The following ASIC2 variants were observed in gnomAD, a reference collection of about 807,000 sequenced individuals.
ASIC2 encodes the protein acid-sensing ion channel 2.
In ASIC2, 25 loss-of-function variants were observed where a neutral mutation model predicts 57.3. That is an observed-to-expected ratio of 0.44 (90% CI 0.32 to 0.61). The LOEUF is 0.61. Among genes scored for constraint, ASIC2 ranks in the 20% least tolerant of loss-of-function variants. The pLI is 0.06. For missense variants in ASIC2, 641 were observed against 738.1 expected (o/e 0.87, Z 1.52); for synonymous variants, 319 against 307.5 (o/e 1.04, Z -0.39).
At position 33,178,210 on chromosome 17, in the gene ASIC2, C is replaced by T. The variant is rs571780474; in HGVS notation, c.709-66143G>A. On this transcript the variant is annotated intron_variant, in intron 1 of 9. Coordinates refer to ENST00000225823, the MANE Select transcript of ASIC2 (RefSeq NM_183377.2). The stretch of plus-strand genomic sequence containing the variant: ...CATATGTTCATTAGCTTGATTTAGC[C>T]ACTCCATGATGTGTATATAATTCAA... Among the ~76,000 whole-genome samples, 23 of 152,208 alleles carry T rather than the reference C, an allele frequency of 1.5e-4. No individual in the cohort carries two copies. The South Asian group carries it at 4.8e-3, about 32-fold the overall frequency.
intron 1 of ASIC2, among the ~76,000 whole-genome samples, chr17:34,065,403 C>G (rs1220132142): frequency 6.6e-6 from 1 of 152,086 alleles, no homozygotes; most frequent in Non-Finnish European, 1.5e-5. Context: ...AAATATGGTG[C>G]AGTGTATACT....
intron 1 of ASIC2, among the ~76,000 whole-genome samples, chr17:33,795,597 A>G (rs11080236): frequency 0.56 from 84,884 of 152,080 alleles, 24,711 homozygotes; most frequent in Non-Finnish European, 0.65. Flanking sequence ...CTGAGCCCAT[A>G]TCCACTCAGA....
intron 1 of ASIC2, among the ~76,000 whole-genome samples, chr17:33,258,655 C>T (rs1389701143): frequency 6.6e-6 from 1 of 152,144 alleles, no homozygotes; most frequent in African/African-American, 2.4e-5. Flanking sequence ...GTGGCTGCAA[C>T]CATGAGCAAG....
chr17:33,032,673 T>A (rs957279730), intron 3 of ASIC2, among the ~76,000 whole-genome samples: 6 of 152,152 alleles, frequency 3.9e-5, no homozygotes, highest in African/African-American at 1.4e-4. Context: ...TGTCTCAAAC[T>A]CCTGACCTCA....
chr17:33,691,697 T>C (rs1273592904), intron 1 of ASIC2, among the ~76,000 whole-genome samples: 2 of 152,330 alleles, frequency 1.3e-5, no homozygotes, highest in South Asian at 2.1e-4. Context: ...TTTTGTTCTA[T>C]GCAGAAATTG....
At chr17:33,532,975 A>C (rs1487922116) in intron 1 of ASIC2, among the ~76,000 whole-genome samples, 1 of 152,238 alleles carries the variant, frequency 6.6e-6, no homozygotes, top group African/African-American at 2.4e-5. Context: ...GCCATATGCC[A>C]TATGATTTGG....
chr17:33,467,746 A>G (rs916922439), intron 1 of ASIC2, among the ~76,000 whole-genome samples: 1 of 152,164 alleles, frequency 6.6e-6, no homozygotes, highest in Admixed American at 6.5e-5. Flanking sequence ...GAATCTACCT[A>G]TGACCTGGAA....
At position 33,292,365 on chromosome 17, in the gene ASIC2, C is replaced by T. The variant is rs374309830; in HGVS notation, c.-250G>A. On this transcript the variant is annotated 5_prime_UTR_variant, in exon 1 of 10. Transcript: ENST00000225823. ...GCCCCTGGCAGTGGCCTCTCCCGAG[C>T]GCCTCCCAGGCTTTCCCGGCCCCTG... is the stretch of plus-strand genomic sequence containing the variant. 1.0e-6 allele frequency: 1 copy of T among 986,194 alleles called. No individual in the cohort carries two copies. The highest frequency in any genetic ancestry group is 1.2e-6 in the Non-Finnish European group (1 of 830,794). The allele number at this position is 986,194 out of a possible 1,614,324, so 61.1% of individuals were successfully genotyped here.
chr17:33,798,957 C>A (rs1267894612), intron 1 of ASIC2, among the ~76,000 whole-genome samples: 3 of 152,180 alleles, frequency 2.0e-5, no homozygotes, highest in African/African-American at 7.2e-5. Context: ...GGAGCTGGGA[C>A]TGCGAAGTCT....
chr17:33,254,263 C>T (rs1354240222), intron 1 of ASIC2, among the ~76,000 whole-genome samples: 1 of 151,340 alleles, frequency 6.6e-6, no homozygotes, highest in Non-Finnish European at 1.5e-5. Context: ...TTCTATCAAA[C>T]CTATAATCCT....
At chr17:33,924,400 G>A (rs903945420) in intron 1 of ASIC2, among the ~76,000 whole-genome samples, 3 of 152,196 alleles carry the variant, frequency 2.0e-5, no homozygotes, top group South Asian at 2.1e-4. Context: ...CATGGAGTCC[G>A]CCAGGTGTGG....
chr17:34,012,750 A>G (rs1906817930), intron 1 of ASIC2, among the ~76,000 whole-genome samples: 1 of 151,558 alleles, frequency 6.6e-6, no homozygotes, highest in African/African-American at 2.4e-5. Context: ...GGAGACTACC[A>G]CAGTCACAGT....
intron 1 of ASIC2, among the ~76,000 whole-genome samples, chr17:33,197,813 C>T (rs961040561): frequency 6.6e-6 from 1 of 152,178 alleles, no homozygotes; most frequent in Non-Finnish European, 1.5e-5. Context: ...ATTCTGAATT[C>T]AAACCGGGCT....
intron 1 of ASIC2, among the ~76,000 whole-genome samples, chr17:33,334,684 C>G (rs1267507530): frequency 6.6e-6 from 1 of 152,196 alleles, no homozygotes; most frequent in African/African-American, 2.4e-5. Context: ...ATTTAGAATG[C>G]AAGCAACTGC....
At chr17:33,298,448 T>G (rs987879654) in intron 1 of ASIC2, among the ~76,000 whole-genome samples, 3 of 152,240 alleles carry the variant, frequency 2.0e-5, no homozygotes, top group African/African-American at 7.2e-5. Flanking sequence ...TATGGCTGCA[T>G]AGTATTCCAT....
At chr17:33,845,955 CTTCCTCTTATGACTTTCGTA>C (rs1448721861) in intron 1 of ASIC2, among the ~76,000 whole-genome samples, 3 of 152,186 alleles carry the variant, frequency 2.0e-5, no homozygotes, top group African/African-American at 7.2e-5. Context: ...TCATTGTGGA[CTTCCTCTTATGACTTTCGTA>C]TTGGCGAGGG....
intron 1 of ASIC2, among the ~76,000 whole-genome samples, chr17:34,114,945 C>T (rs2142114197): frequency 6.6e-6 from 1 of 152,296 alleles, no homozygotes; most frequent in South Asian, 2.1e-4. Context: ...GTCTAATGAG[C>T]ACCCCGTGAT....
At chr17:33,082,773 T>A (rs1045230168) in intron 3 of ASIC2, among the ~76,000 whole-genome samples, 4 of 152,146 alleles carry the variant, frequency 2.6e-5, no homozygotes, top group African/African-American at 9.7e-5. Flanking sequence ...AGAGTCTGAT[T>A]GGTGATGTCA....
chr17:34,107,702 T>C (rs1002714796), intron 1 of ASIC2, among the ~76,000 whole-genome samples: 7 of 152,224 alleles, frequency 4.6e-5, no homozygotes, highest in African/African-American at 1.7e-4. Flanking sequence ...GTTGTGTTCA[T>C]AAGGTACTCA....
Sources: gnomAD v4.1 joint callset for allele counts (sites outside exome capture counted in the v4.1 genomes callset) on GRCh38, gnomAD v4.1.1 for gene constraint, MANE v1.5 for transcripts, NCBI Gene and HGNC (gene_info 2026-07-23, HGNC 2026-07-21) for gene names.